Variants in VPS8 observed in about 807,000 individuals in gnomAD.
VPS8 encodes VPS8 subunit of CORVET complex, also known as vacuolar protein sorting-associated protein 8 homolog.
Under a neutral mutation model 216.4 loss-of-function variants are expected in VPS8, and 129 were observed. The observed-to-expected ratio is 0.60, with a 90% CI of 0.52 to 0.69. The LOEUF (loss-of-function observed/expected upper bound fraction) is 0.69, where lower values mean the gene tolerates loss of function less well. VPS8 is among the 30% of genes least tolerant of loss of function. The pLI, the probability that VPS8 is intolerant of heterozygous loss-of-function variation, is 0.00. For missense variants in VPS8, 1,531 were observed against 1,683.5 expected (o/e 0.91, Z 1.59); for synonymous variants, 571 against 565.4 (o/e 1.01, Z -0.14).
chr3:184,917,083 A>G (rs910007145), intron 28 of VPS8, among the ~76,000 whole-genome samples: 6 of 152,180 alleles, frequency 3.9e-5, no homozygotes, highest in African/African-American at 1.4e-4. Flanking sequence ...GAAGTACAGG[A>G]TGCTATAGGA....
chr3:184,820,359 G>A (rs1251105810), intron 1 of VPS8, among the ~76,000 whole-genome samples: 1 of 152,160 alleles, frequency 6.6e-6, no homozygotes, highest in East Asian at 1.9e-4. Context: ...GTGACATGGT[G>A]TCACATCTCT....
chr3:185,000,894 C>T (rs1166715168), intron 45 of VPS8, among the ~76,000 whole-genome samples: 3 of 152,148 alleles, frequency 2.0e-5, no homozygotes, highest in East Asian at 1.9e-4. Flanking sequence ...CGTGAGCCAC[C>T]GCACCCGGCC....
intron 24 of VPS8, among the ~76,000 whole-genome samples, chr3:184,899,838 G>C (rs1455334558): frequency 6.6e-6 from 1 of 152,128 alleles, no homozygotes; most frequent in Non-Finnish European, 1.5e-5. Context: ...CGTTGCTTTT[G>C]AAATGTTTGT....
intron 22 of VPS8, among the ~76,000 whole-genome samples, chr3:184,894,264 T>C (rs1732915582): frequency 1.3e-5 from 2 of 152,088 alleles, no homozygotes; most frequent in Admixed American, 1.3e-4. Flanking sequence ...GTAGTCCTTT[T>C]GTTTTTTTCC....
At chr3:184,846,455 C>T (rs1173724055) in intron 8 of VPS8, among the ~76,000 whole-genome samples, 2 of 152,202 alleles carry the variant, frequency 1.3e-5, no homozygotes, top group Admixed American at 1.3e-4. Context: ...CTTCATGGCA[C>T]CCTTATTCTC....
At position 185,051,882 on chromosome 3, in the gene VPS8, C is replaced by G. The variant is rs769647264; in HGVS notation, c.4144C>G (p.Leu1382Val). 3 of 1,600,966 alleles carry G rather than the reference C, an allele frequency of 1.9e-6. No individual in the cohort carries two copies. In the African/African-American group the frequency reaches 4.0e-5, roughly 21 times the overall value. Residue 1382 changes from leucine (L) to valine (V), a missense_variant, in exon 48 of 48, where the codon CTC becomes GTC. This residue lies in a region of VPS8 where 1,318 missense variants were observed against 1,468.4 expected (regional missense o/e 0.90). Transcript: ENST00000625842. ...GTGTGTCCTTCCTTTGCAGCTGGCT[C>G]TCCTCACGGAACTCTCCCAGAATCG... The part of the protein sequence containing the change: ...RLYRGSSRLA[L>V]LTELSQNRSS...
chr3:184,949,095 G>A (rs549272304), intron 36 of VPS8, among the ~76,000 whole-genome samples: 7 of 152,126 alleles, frequency 4.6e-5, no homozygotes, highest in Admixed American at 6.5e-5. Context: ...TGCTTGAGCC[G>A]AGGAGTTCAA....
chr3:184,984,194 A>AAAACTCACCAAG lies in VPS8; in HGVS notation c.3585+1100_3585+1101insAAACTCACCAAG. Among the ~76,000 whole-genome samples, 4 of 46,532 alleles carry AAAACTCACCAAG rather than the reference A, an allele frequency of 8.6e-5. 2 individuals carry two copies. The highest frequency in any genetic ancestry group is 2.4e-3 in the South Asian group (2 of 822). 30.5% of individuals were successfully genotyped at this position (46,532 alleles called of 152,430 possible). ...GCGAGACTCCGTCTCAAAAAAAAAA[A>AAAACTCACCAAG]CTCTACTTCCCATCTGATATTAAGC... On this transcript the variant is annotated intron_variant, in intron 42 of 47. Coordinates refer to ENST00000625842, the MANE Select transcript of VPS8 (RefSeq NM_001009921.3).
intron 40 of VPS8, 115 bp from the exon 41 acceptor site, chr3:184,982,451 A>G: frequency 4.8e-6 from 3 of 631,484 alleles, no homozygotes; most frequent in East Asian, 5.8e-5. Flanking sequence ...CAACAAATGT[A>G]TGTGAGAAGT....
chr3:184,869,643 A>G, intron 20 of VPS8, 115 bp downstream of exon 20: 1 of 991,092 alleles, frequency 1.0e-6, no homozygotes. Flanking sequence ...GAGTGTATTA[A>G]AAAACACACA....
chr3:185,022,244 C>A (rs1409331081), intron 45 of VPS8, among the ~76,000 whole-genome samples: 1 of 152,176 alleles, frequency 6.6e-6, no homozygotes, highest in African/African-American at 2.4e-5. Context: ...TTTCCTGAAG[C>A]CTTCCCAGCC....
chr3:184,979,902 A>G (rs1392808400), intron 40 of VPS8, among the ~76,000 whole-genome samples: 7 of 152,146 alleles, frequency 4.6e-5, no homozygotes, highest in East Asian at 1.9e-4. Context: ...TCAGTGGTCT[A>G]TGTACTTAAG....
intron 46 of VPS8, among the ~76,000 whole-genome samples, chr3:185,026,060 T>G (rs1198926962): frequency 6.6e-6 from 1 of 152,180 alleles, no homozygotes; most frequent in African/African-American, 2.4e-5. Context: ...CCTAATCAGA[T>G]GTCCTCTTAC....
chr3:184,886,344 T>G (rs1232077898), intron 22 of VPS8, among the ~76,000 whole-genome samples, 188 bp downstream of exon 22: 1 of 152,158 alleles, frequency 6.6e-6, no homozygotes, highest in African/African-American at 2.4e-5. Context: ...ACAGATGCTA[T>G]GGATATATCA....
intron 35 of VPS8, among the ~76,000 whole-genome samples, 178 bp downstream of exon 35, chr3:184,936,513 TAC>T (rs1357226692): frequency 4.2e-5 from 3 of 71,980 alleles, no homozygotes; most frequent in Non-Finnish European, 6.3e-5. Flanking sequence ...ACCAACCTAA[TAC>T]TGTGTGTGTG....
intron 46 of VPS8, among the ~76,000 whole-genome samples, chr3:185,028,112 C>T (rs925329408): frequency 4.6e-5 from 7 of 152,042 alleles, no homozygotes; most frequent in East Asian, 1.9e-4. Context: ...GGCTGTCTTG[C>T]GGAGTTCGTG....
chr3:184,888,018 C>T (rs1251102556), intron 22 of VPS8, among the ~76,000 whole-genome samples: 15 of 149,128 alleles, frequency 1.0e-4, no homozygotes, highest in East Asian at 2.0e-4. Flanking sequence ...GACAGAATCT[C>T]GCTCTGTCGC....
chr3:185,006,808 C>G (rs1382366955), intron 45 of VPS8, among the ~76,000 whole-genome samples: 1 of 149,826 alleles, frequency 6.7e-6, no homozygotes, highest in Non-Finnish European at 1.5e-5. Flanking sequence ...CATTGGAATC[C>G]CCTCACTGCC....
At chr3:184,964,845 G>A (rs185374755) in intron 38 of VPS8, among the ~76,000 whole-genome samples, 1 of 152,102 alleles carries the variant, frequency 6.6e-6, no homozygotes, top group Non-Finnish European at 1.5e-5. Flanking sequence ...TCCTTCAGGG[G>A]ACACCTGGGC....
Sources: gnomAD v4.1 joint callset for allele counts (sites outside exome capture counted in the v4.1 genomes callset) on GRCh38, gnomAD v4.1.1 for gene constraint, gnomAD v4.1.1 regional missense constraint, MANE v1.5 for transcripts, NCBI Gene and HGNC (gene_info 2026-07-23, HGNC 2026-07-21) for gene names.